NUP153: variants seen among roughly 807,000 people sequenced by gnomAD.
The protein encoded by NUP153 is nuclear pore complex protein Nup153.
In NUP153, 27 loss-of-function variants were observed where a neutral mutation model predicts 134.6. That is an observed-to-expected ratio of 0.20 (90% CI 0.15 to 0.28). The LOEUF (loss-of-function observed/expected upper bound fraction) is 0.28. Among genes scored for constraint, NUP153 ranks in the 10% least tolerant of loss-of-function variants. The pLI, the probability that NUP153 is intolerant of heterozygous loss-of-function variation, is 1.00. For synonymous variants in NUP153, 640 were observed against 623.5 expected (o/e 1.03, Z -0.40); for missense variants, 1,821 against 1,731.3 (o/e 1.05, Z -0.92).
chr6:17,661,622 A>T, intron 11 of NUP153, 31 bp downstream of exon 11: 1 of 1,583,716 alleles, frequency 6.3e-7, no homozygotes, highest in Non-Finnish European at 8.6e-7. Flanking sequence ...TTTTAAATAA[A>T]CCTCAAGAGT....
chr6:17,680,740 A>G lies in NUP153; in HGVS notation c.335-4970T>C, dbSNP rs1768524828. On this transcript the variant is annotated intron_variant, in intron 2 of 21. Transcript: ENST00000262077. The surrounding 1 kb of genome is among the most constrained non-coding windows in gnomAD (Gnocchi z 4.5). ...GAACATAAAAAGTACTCCAACCCCC[A>G]GTGAAAATGGCTTTTATCAAAAAGG... is the stretch of plus-strand genomic sequence containing the variant. 6.6e-6 allele frequency among the ~76,000 whole-genome samples: 1 copy of G among 152,194 alleles called. No homozygotes were observed. The highest frequency in any genetic ancestry group is 2.4e-5 in the African/African-American group (1 of 41,460).
At chr6:17,666,237 C>T (rs1425335864) in intron 8 of NUP153, among the ~76,000 whole-genome samples, 1 of 152,056 alleles carries the variant, frequency 6.6e-6, no homozygotes, top group South Asian at 2.1e-4. Flanking sequence ...TAGCTATGGG[C>T]CAGGCGTGGT....
At chr6:17,649,329 T>C in intron 11 of NUP153, 29 bp from the exon 12 acceptor site, 2 of 1,592,116 alleles carry the variant, frequency 1.3e-6, no homozygotes, top group African/African-American at 1.4e-5. Context: ...CATGATATAT[T>C]TCATCTTTCA....
At chr6:17,700,891 C>T (rs1770011025) in intron 1 of NUP153, among the ~76,000 whole-genome samples, 1 of 152,160 alleles carries the variant, frequency 6.6e-6, no homozygotes, top group Admixed American at 6.5e-5. Context: ...GTTTACTGAC[C>T]CCTGATCTAA....
chr6:17,682,306 G>A (rs1768632193), intron 2 of NUP153, among the ~76,000 whole-genome samples: 1 of 152,216 alleles, frequency 6.6e-6, no homozygotes, highest in Admixed American at 6.5e-5. Flanking sequence ...TTTAGGTGGT[G>A]TTAACAGGTC....
chr6:17,661,823 G>A (rs1470859996), intron 10 of NUP153, 44 bp from the exon 11 acceptor site: 43 of 1,563,844 alleles, frequency 2.7e-5, no homozygotes, highest in African/African-American at 4.1e-5. Context: ...ATATTATTGT[G>A]GTCCATAACT....
chr6:17,642,092 T>C (rs537215374), intron 14 of NUP153, among the ~76,000 whole-genome samples: 4 of 152,152 alleles, frequency 2.6e-5, no homozygotes, highest in African/African-American at 9.6e-5. Flanking sequence ...TCAAAATGGA[T>C]CAATATCCTA....
Position 17,626,119 on chromosome 6 carries a change from G to T in NUP153, c.3590C>A (p.Ser1197Tyr). The change falls in exon 19 of 22, where the codon TCC becomes TAC. Residue 1197 changes from serine to tyrosine, a missense_variant. Physicochemically the swap from Ser to Tyr is moderately radical, Grantham distance 144. Transcript: ENST00000262077. ...KPVFSFLNNS[S>Y]SSSSTPATSA... Reference sequence around the variant, plus strand: ...AGTGGCTGGTGTACTTGAACTAGAGGAACTGTTGTTCAAGAAACTAAAAAC... The same window carrying T: ...AGTGGCTGGTGTACTTGAACTAGAGTAACTGTTGTTCAAGAAACTAAAAAC... 6.2e-7 allele frequency: 1 copy of T among 1,613,376 alleles called. No individual in the cohort carries two copies. Among genetic ancestry groups the T allele is most frequent in the Non-Finnish European group, 8.5e-7 (1 of 1,179,986 alleles).
chr6:17,620,308 GGAATA>G lies in NUP153; in HGVS notation c.4175-3618_4175-3614del, dbSNP rs1274798911. 2.6e-5 allele frequency among the ~76,000 whole-genome samples: 4 copies of G among 152,124 alleles called. No homozygotes were observed. The East Asian group carries it at 7.7e-4, about 29-fold the overall frequency. On this transcript the variant is annotated intron_variant, in intron 20 of 21. Coordinates refer to ENST00000262077, the MANE Select transcript of NUP153 (RefSeq NM_005124.4). ...GGTATAAAAAGACACATAGACCAAT[GGAATA>G]GAATAGAGAATTCAGAAACAAATCC...
At chr6:17,633,695 G>A (rs1233332371) in intron 16 of NUP153, among the ~76,000 whole-genome samples, 1 of 152,128 alleles carries the variant, frequency 6.6e-6, no homozygotes, top group Non-Finnish European at 1.5e-5. Flanking sequence ...CAGGAAGAAC[G>A]GCTTGGTAAG....
At chr6:17,705,309 C>G (rs943453730) in intron 1 of NUP153, among the ~76,000 whole-genome samples, 1 of 152,126 alleles carries the variant, frequency 6.6e-6, no homozygotes, top group African/African-American at 2.4e-5. Flanking sequence ...TTCAATACTT[C>G]TAACAATCAA....
chr6:17,640,198 TA>T, intron 14 of NUP153, 134 bp from the exon 15 acceptor site: 2 of 626,128 alleles, frequency 3.2e-6, no homozygotes, highest in Non-Finnish European at 2.5e-6. Flanking sequence ...TTTAATTCAA[TA>T]AACAAATGAC....
intron 1 of NUP153, among the ~76,000 whole-genome samples, chr6:17,701,650 G>C (rs900068675): frequency 7.7e-6 from 1 of 130,050 alleles, no homozygotes; most frequent in African/African-American, 2.9e-5. Flanking sequence ...GACAGAACAA[G>C]ACTCCATCTC....
chr6:17,672,584 A>G (rs2113830982), intron 5 of NUP153, among the ~76,000 whole-genome samples: 1 of 151,972 alleles, frequency 6.6e-6, no homozygotes, highest in East Asian at 1.9e-4. Flanking sequence ...TCAAACAAAA[A>G]CACAGAACAA....
intron 11 of NUP153, among the ~76,000 whole-genome samples, chr6:17,658,297 G>A (rs1766960947): frequency 6.6e-6 from 1 of 152,200 alleles, no homozygotes; most frequent in Admixed American, 6.5e-5. Context: ...TCGGGAGGCT[G>A]AGGCACAAAA....
chr6:17,666,937 C>A (rs1324035114), intron 8 of NUP153, among the ~76,000 whole-genome samples: 4 of 152,214 alleles, frequency 2.6e-5, no homozygotes, highest in African/African-American at 9.6e-5. Context: ...ACCTTACATA[C>A]AACTCAATAA....
At chr6:17,687,312 G>C (rs1259532185) in intron 2 of NUP153, among the ~76,000 whole-genome samples, 1 of 152,078 alleles carries the variant, frequency 6.6e-6, no homozygotes, top group Non-Finnish European at 1.5e-5. Context: ...GGAAACAGAG[G>C]GGGGAAAACA....
Position 17,616,184 on chromosome 6 carries a change from G to A in NUP153, c.4344-3C>T, listed in dbSNP as rs1334308629. The A allele has an allele frequency of 1.3e-6, 2 of 1,511,764 alleles. No individual in the cohort carries two copies. Among genetic ancestry groups the A allele is most frequent in the Non-Finnish European group, 1.8e-6 (2 of 1,118,408 alleles). The allele number at this position is 1,511,764 out of a possible 1,614,324, so 93.6% of individuals were successfully genotyped here. A position where few individuals can be genotyped will look rare whatever the true frequency, so the allele number is the denominator to read the frequency against. On this transcript the variant is annotated splice_region_variant and splice_polypyrimidine_tract_variant and intron_variant, in intron 21 of 21. Coordinates refer to ENST00000262077, the MANE Select transcript of NUP153 (RefSeq NM_005124.4). ...AGAACACATTTTTCCCATTTGACCT[G>A]TGAAAAATAAAAACTTCATAATGTG...
rs561855631 is a variant in NUP153 at position 17,647,931 on chromosome 6, G to A, written c.1534-26C>T. ...CTGGTTTTCCAAATTATTAAGAAAT[G>A]ATACAAAAAGAGCTTTTTAGAAAAA... On this transcript the variant is annotated intron_variant, in intron 12 of 21. Transcript: ENST00000262077. 6 of 1,394,416 alleles carry A rather than the reference G, an allele frequency of 4.3e-6. No individual in the cohort carries two copies. The African/African-American group carries it at 7.2e-5, about 17-fold the overall frequency. 86.4% of individuals were successfully genotyped at this position (1,394,416 alleles called of 1,614,324 possible). A position where few individuals can be genotyped will look rare whatever the true frequency, so the allele number is the denominator to read the frequency against.
Sources: allele counts gnomAD v4.1 joint callset (sites outside exome capture counted in the v4.1 genomes callset), GRCh38; gene constraint gnomAD v4.1.1; non-coding constraint Gnocchi (gnomAD v3.1); transcripts MANE v1.5; gene names NCBI Gene and HGNC (gene_info 2026-07-23, HGNC 2026-07-21).